NRBP2: variants seen among roughly 807,000 people sequenced by gnomAD.
NRBP2 encodes nuclear receptor binding protein 2.
NRBP2 carries 47 observed loss-of-function variants against 74.4 expected under a neutral mutation model. The observed-to-expected ratio is 0.63, with a 90% CI of 0.50 to 0.81. NRBP2 has a LOEUF of 0.81. Ranked by LOEUF, NRBP2 falls within the 30% of genes least tolerant of loss-of-function variation. NRBP2 has a pLI of 0.00. For synonymous variants in NRBP2, 312 were observed against 273.8 expected (o/e 1.14, Z -1.38); for missense variants, 613 against 690.1 (o/e 0.89, Z 1.25).
In NRBP2 at chr8:143,834,856, G is replaced by A. The variant is rs943923019; in HGVS notation, c.*806C>T. 8 of 152,572 alleles carry A rather than the reference G, an allele frequency of 5.2e-5. No homozygotes were observed. The highest frequency in any genetic ancestry group is 2.1e-4 in the South Asian group (1 of 4,844). 9.5% of individuals were successfully genotyped at this position (152,572 alleles called of 1,614,324 possible). A position where few individuals can be genotyped will look rare whatever the true frequency, so the allele number is the denominator to read the frequency against. On this transcript the variant is annotated 3_prime_UTR_variant, in exon 18 of 18. Coordinates refer to ENST00000442628, the MANE Select transcript of NRBP2 (RefSeq NM_178564.4). ...AGGCCCAGGGAGCAGCTGCCCCAGG[G>A]AGGAGGTGCGGGAGGTAACATGGAG... is the stretch of plus-strand genomic sequence containing the variant.
Position 143,840,177 on chromosome 8 carries a change from G to C in NRBP2, c.182C>G (p.Thr61Arg). The C allele has an allele frequency of 1.3e-6, 2 of 1,536,152 alleles. No individual in the cohort carries two copies. The highest frequency in any genetic ancestry group is 1.7e-6 in the Non-Finnish European group (2 of 1,146,910). The change falls in exon 2 of 18, where the codon ACG becomes AGG. Residue 61 changes from threonine (T) to arginine (R), a missense_variant. Thr to Arg is a moderately conservative substitution (Grantham distance 71). Coordinates refer to ENST00000442628, the MANE Select transcript of NRBP2 (RefSeq NM_178564.4). The surrounding 1 kb of genome is among the most constrained non-coding windows in gnomAD (Gnocchi z 5.7). ...CCACACCACCTCTACCCCCTCCTCC[G>C]TGTCCATGGCTAGGAAGGTGCTCTG... ...GLQSTFLAMD[T>R]EEGVEVVWNE... is the part of the protein sequence containing the mutation.
chr8:143,830,431 C>T (rs1554649854), downstream of NRBP2, among the ~76,000 whole-genome samples: 1 of 152,262 alleles, frequency 6.6e-6, no homozygotes, highest in Non-Finnish European at 1.5e-5. Flanking sequence ...CTCTGAGGCC[C>T]TGCTCAAGCA....
Position 143,840,428 on chromosome 8 carries a change from G to T in NRBP2, c.130-199C>A. On this transcript the variant is annotated intron_variant, in intron 1 of 17. Coordinates refer to ENST00000442628, the MANE Select transcript of NRBP2 (RefSeq NM_178564.4). The surrounding 1 kb of genome is among the most constrained non-coding windows in gnomAD (Gnocchi z 5.7). ...TCCAAGGGCTGGGCTAAGGGGATTT[G>T]GAGCAGGTTTCAGGGGGTCGAGGGG... 1.3e-6 allele frequency: 1 copy of T among 771,358 alleles called. No individual in the cohort carries two copies. Among genetic ancestry groups the T allele is most frequent in the Non-Finnish European group, 2.0e-6 (1 of 495,128 alleles). The allele number at this position is 771,358 out of a possible 1,614,324, so 47.8% of individuals were successfully genotyped here.
In NRBP2 at chr8:143,839,729, C is replaced by T. The variant is rs1472645270; in HGVS notation, c.444+7G>A. On this transcript the variant is annotated splice_region_variant and intron_variant, in intron 4 of 17. Coordinates refer to ENST00000442628, the MANE Select transcript of NRBP2 (RefSeq NM_178564.4). This position sits in a 1 kb window ranked among gnomAD's most constrained non-coding sequence, Gnocchi z 5.1. ...TCCCCGTGGCTGCCCCAGCCCGCTC[C>T]CCATACCCGGGCGTTCATGGCCTTG... is the stretch of plus-strand genomic sequence containing the variant. 3.9e-6 allele frequency: 6 copies of T among 1,535,706 alleles called. No homozygotes were observed. The highest frequency in any genetic ancestry group is 5.2e-6 in the Non-Finnish European group (6 of 1,146,672).
chr8:143,837,346 G>A lies in NRBP2; in HGVS notation c.1077-47C>T, dbSNP rs1818455960. 6.6e-7 allele frequency: 1 copy of A among 1,521,152 alleles called. No homozygotes were observed. 94.2% of individuals were successfully genotyped at this position (1,521,152 alleles called of 1,614,324 possible). On this transcript the variant is annotated intron_variant, in intron 12 of 17. Transcript: ENST00000442628. This position sits in a 1 kb window ranked among gnomAD's most constrained non-coding sequence, Gnocchi z 4.3. The stretch of plus-strand genomic sequence containing the variant: ...CATGAGGGGCTGGCCGGGGCGAGGG[G>A]AGGGGAGGTGCGGGGAGGGGAGGTG...
downstream of NRBP2, chr8:143,833,213 C>T (rs1312754018): frequency 6.6e-6 from 1 of 152,162 alleles, no homozygotes. Flanking sequence ...TGACAGGATG[C>T]TCATGCTTCT....
At position 143,839,561 on chromosome 8, in the gene NRBP2, C is replaced by T. The variant is rs1554653053; in HGVS notation, c.445-12G>A. On this transcript the variant is annotated splice_polypyrimidine_tract_variant and intron_variant, in intron 4 of 17. Transcript: ENST00000442628. The surrounding 1 kb of genome is among the most constrained non-coding windows in gnomAD (Gnocchi z 5.1). ...CAGCGCTTCCAGGCCTGGCGGCGGA[C>T]GCACGACTCCGTCGGTCGGGTGGGC... 4 of 1,529,354 alleles carry T rather than the reference C, an allele frequency of 2.6e-6. No homozygotes were observed. Among genetic ancestry groups the T allele is most frequent in the Non-Finnish European group, 1.7e-6 (2 of 1,144,010 alleles). The allele number at this position is 1,529,354 out of a possible 1,614,324, so 94.7% of individuals were successfully genotyped here.
Position 143,833,783 on chromosome 8 carries a change from T to C in NRBP2, c.*1879A>G, listed in dbSNP as rs911969211. Reference sequence around the variant, plus strand: ...CAGTTTAATCAGTAGTACAATGTTATGTATTTGCCACTGAAACCATTTAGA... The same window carrying C: ...CAGTTTAATCAGTAGTACAATGTTACGTATTTGCCACTGAAACCATTTAGA... On this transcript the variant is annotated 3_prime_UTR_variant, in exon 18 of 18. Coordinates refer to ENST00000442628, the MANE Select transcript of NRBP2 (RefSeq NM_178564.4). 2 of 152,250 alleles carry C rather than the reference T, an allele frequency of 1.3e-5. No individual in the cohort carries two copies. Among genetic ancestry groups the C allele is most frequent in the Admixed American group, 6.5e-5 (1 of 15,284 alleles). 9.4% of individuals were successfully genotyped at this position (152,250 alleles called of 1,614,324 possible).
chr8:143,832,752 C>A (rs1415920794), downstream of NRBP2, among the ~76,000 whole-genome samples: 3 of 152,224 alleles, frequency 2.0e-5, no homozygotes, highest in African/African-American at 7.2e-5. Flanking sequence ...TGACACATCC[C>A]CCTCTTCGAG....
rs1554653542 is a variant in NRBP2 at position 143,840,795 on chromosome 8, G to T, written c.40C>A (p.Arg14=). The T allele has an allele frequency of 3.3e-6, 5 of 1,502,148 alleles. No homozygotes were observed. The South Asian group carries it at 5.0e-5, about 15-fold the overall frequency. The allele number at this position is 1,502,148 out of a possible 1,614,324, so 93.1% of individuals were successfully genotyped here. The change falls in exon 1 of 18, where the codon CGG becomes AGG. Residue 14 remains arginine, a synonymous_variant. Coordinates refer to ENST00000442628, the MANE Select transcript of NRBP2 (RefSeq NM_178564.4). This position sits in a 1 kb window ranked among gnomAD's most constrained non-coding sequence, Gnocchi z 5.7. ...CTCTCGTCCTCCCGCTCCCGCTCCC[G>T]TTCCCGGGCCCGCCTCGGCGCCGGC... The part of the protein sequence containing the change: ...PEPAPRRARE[R]EREREDESED...
Position 143,837,087 on chromosome 8 carries a change from T to C in NRBP2, c.1215A>G (p.Gln405=), listed in dbSNP as rs781864106. The change falls in exon 14 of 18, where the codon CAA becomes CAG. Residue 405 remains glutamine, a synonymous_variant. Coordinates refer to ENST00000442628, the MANE Select transcript of NRBP2 (RefSeq NM_178564.4). This position sits in a 1 kb window ranked among gnomAD's most constrained non-coding sequence, Gnocchi z 4.3. The part of the protein sequence containing the change: ...RVLAPPPEEV[Q]KAKTPTPEPF... Reference sequence around the variant, plus strand: ...GCTCTGGCGTCGGGGTCTTGGCCTTTTGGACCTCCTCCGGGGGTGGGGCCA... The same window carrying C: ...GCTCTGGCGTCGGGGTCTTGGCCTTCTGGACCTCCTCCGGGGGTGGGGCCA... 3 of 1,611,580 alleles carry C rather than the reference T, an allele frequency of 1.9e-6. No individual in the cohort carries two copies. The highest frequency in any genetic ancestry group is 2.5e-6 in the Non-Finnish European group (3 of 1,179,162).
In NRBP2 at chr8:143,837,205, A is replaced by G; in HGVS notation, c.1128-31T>C. 6.2e-7 allele frequency: 1 copy of G among 1,613,876 alleles called. No individual in the cohort carries two copies. Among genetic ancestry groups the G allele is most frequent in the Non-Finnish European group, 8.5e-7 (1 of 1,179,962 alleles). On this transcript the variant is annotated intron_variant, in intron 13 of 17. Coordinates refer to ENST00000442628, the MANE Select transcript of NRBP2 (RefSeq NM_178564.4). The surrounding 1 kb of genome is among the most constrained non-coding windows in gnomAD (Gnocchi z 4.3). ...GACACAACAGGGTGGCTGGGGGTTC[A>G]GGCCTGACAGCTGCCTGGCCCCCAA...
Position 143,837,513 on chromosome 8 carries a change from C to CG in NRBP2, c.974-5dup. ...ACCACATTCTCAGGCATGAGGTCTG[C>CG]GGCCACAAGAGCATCAAGGCGGTGT... is the stretch of plus-strand genomic sequence containing the variant. On this transcript the variant is annotated splice_polypyrimidine_tract_variant and splice_region_variant and intron_variant, in intron 11 of 17. Coordinates refer to ENST00000442628, the MANE Select transcript of NRBP2 (RefSeq NM_178564.4). The surrounding 1 kb of genome is among the most constrained non-coding windows in gnomAD (Gnocchi z 4.3). The CG allele has an allele frequency of 6.2e-7, 1 of 1,607,076 alleles. No homozygotes were observed. The highest frequency in any genetic ancestry group is 8.5e-7 in the Non-Finnish European group (1 of 1,177,156).
In NRBP2 at chr8:143,839,404, G is replaced by C; in HGVS notation, c.490C>G (p.Leu164Val). Residue 164 changes from leucine to valine, a missense_variant, in exon 6 of 18, where the codon CTG becomes GTG. Transcript: ENST00000442628. The surrounding 1 kb of genome is among the most constrained non-coding windows in gnomAD (Gnocchi z 5.1). ...ATGATTGGGGGGCTGCAGGCGTGCA[G>C]GAAGCTGCAGACGTTGGGGAGGGGA... ...CTQILSALSFLHACSPPIIHG... is the reference protein window; with the variant it reads ...CTQILSALSFVHACSPPIIHG... 14 of 1,570,384 alleles carry C rather than the reference G, an allele frequency of 8.9e-6. No homozygotes were observed. The highest frequency in any genetic ancestry group is 1.2e-5 in the Non-Finnish European group (14 of 1,166,020).
intron 14 of NRBP2, among the ~76,000 whole-genome samples, chr8:143,836,475 C>G (rs1007377503): frequency 1.3e-5 from 2 of 151,840 alleles, no homozygotes; most frequent in African/African-American, 4.8e-5. Context: ...CCGAAGTGCA[C>G]GGTGCCTGCG....
At position 143,839,888 on chromosome 8, in the gene NRBP2, A is replaced by T. The variant is rs1554653253; in HGVS notation, c.354+41T>A. The T allele has an allele frequency of 6.5e-7, 1 of 1,534,750 alleles. No homozygotes were observed. ...GTTCGTCCCCATGCCCGCCCCACCTAGCTGTGGTCTCTGCCTGCCCGGGGC... is the reference window on the plus strand; with the variant it reads ...GTTCGTCCCCATGCCCGCCCCACCTTGCTGTGGTCTCTGCCTGCCCGGGGC... On this transcript the variant is annotated intron_variant, in intron 3 of 17. Coordinates refer to ENST00000442628, the MANE Select transcript of NRBP2 (RefSeq NM_178564.4). The surrounding 1 kb of genome is among the most constrained non-coding windows in gnomAD (Gnocchi z 5.1).
rs1818483388 is a variant in NRBP2 at position 143,837,692 on chromosome 8, AGAG to A, written c.901_903del (p.Leu301del). On this transcript the variant is annotated inframe_deletion, in exon 11 of 18. Coordinates refer to ENST00000442628, the MANE Select transcript of NRBP2 (RefSeq NM_178564.4). The surrounding 1 kb of genome is among the most constrained non-coding windows in gnomAD (Gnocchi z 4.3). ...TGCACCTCGAAGAGCACGCGGTGGAAGAGGAGGCTGTGGGCAGAGGGCCGGCGG... is the reference window on the plus strand; with the variant it reads ...TGCACCTCGAAGAGCACGCGGTGGAAGAGGCTGTGGGCAGAGGGCCGGCGG... 2 of 1,575,758 alleles carry A rather than the reference AGAG, an allele frequency of 1.3e-6. No individual in the cohort carries two copies. Among genetic ancestry groups the A allele is most frequent in the Non-Finnish European group, 8.6e-7 (1 of 1,160,332 alleles).
rs782597491 is a variant in NRBP2 at position 143,837,335 on chromosome 8, CG to C, written c.1077-37del. The C allele has an allele frequency of 5.6e-5, 22 of 393,744 alleles. No individual in the cohort carries two copies. Among genetic ancestry groups the C allele is most frequent in the Middle Eastern group, 4.1e-4 (1 of 2,418 alleles). 24.4% of individuals were successfully genotyped at this position (393,744 alleles called of 1,614,324 possible). A position where few individuals can be genotyped will look rare whatever the true frequency, so the allele number is the denominator to read the frequency against. On this transcript the variant is annotated intron_variant, in intron 12 of 17. Coordinates refer to ENST00000442628, the MANE Select transcript of NRBP2 (RefSeq NM_178564.4). The surrounding 1 kb of genome is among the most constrained non-coding windows in gnomAD (Gnocchi z 4.3). ...AGTGGGAGGCACATGAGGGGCTGGC[CG>C]GGGCGAGGGGAGGGGAGGTGCGGGG... is the stretch of plus-strand genomic sequence containing the variant.
At chr8:143,836,285 T>C (rs1818381572) in intron 14 of NRBP2, 105 bp from the exon 15 acceptor site, 1 of 1,399,536 alleles carries the variant, frequency 7.1e-7, no homozygotes, top group Non-Finnish European at 9.3e-7. Context: ...GGGGGGAATC[T>C]CTAAGAGGAG....
Sources: allele counts gnomAD v4.1 joint callset (sites outside exome capture counted in the v4.1 genomes callset), GRCh38; gene constraint gnomAD v4.1.1; non-coding constraint Gnocchi (gnomAD v3.1); transcripts MANE v1.5; gene names NCBI Gene and HGNC (gene_info 2026-07-23, HGNC 2026-07-21).